The following SENP8 variants were observed in gnomAD, a reference collection of about 807,000 sequenced individuals.
SENP8 encodes sentrin-specific protease 8.
SENP8 carries 10 observed loss-of-function variants against 14.4 expected under a neutral mutation model. The observed-to-expected ratio is 0.69, with a 90% confidence interval of 0.43 to 1.18. The LOEUF (loss-of-function observed/expected upper bound fraction) is 1.18, where lower values mean the gene tolerates loss of function less well. SENP8 is among the 50% of genes most tolerant of loss of function. The pLI is 0.00. For missense variants in SENP8, 202 were observed against 249.4 expected, an observed-to-expected ratio of 0.81 and a Z score of 1.28; for synonymous variants, 94 against 95.5, an observed-to-expected ratio of 0.98 and a Z score of 0.09.
chr15:72,132,829 A>C (rs758873111), intron 1 of SENP8, among the ~76,000 whole-genome samples: 1 of 151,700 alleles, frequency 6.6e-6, no homozygotes, highest in Non-Finnish European at 1.5e-5. Context: ...CATTCCTACT[A>C]TCATTTCTCC....
chr15:72,119,705 G>A (rs571024293), intron 1 of SENP8, among the ~76,000 whole-genome samples: 1 of 152,202 alleles, frequency 6.6e-6, no homozygotes, highest in South Asian at 2.1e-4. Context: ...CCAAGATCGC[G>A]CCACTGCACT....
At chr15:72,137,904 G>A (rs186735716) in intron 1 of SENP8, among the ~76,000 whole-genome samples, 86 of 152,016 alleles carry the variant, frequency 5.7e-4, no homozygotes, top group African/African-American at 2.0e-3. Flanking sequence ...CCCGGGAAGC[G>A]GAGTTTGCAG....
At chr15:72,124,781 AAGG>A (rs1160822311) in intron 1 of SENP8, among the ~76,000 whole-genome samples, 3 of 152,234 alleles carry the variant, frequency 2.0e-5, no homozygotes, top group African/African-American at 7.2e-5. Context: ...ATTATTAAAA[AAGG>A]GGGAAAAATT....
upstream of SENP8, chr15:72,117,892 A>G (rs1268935839): frequency 2.0e-5 from 8 of 398,248 alleles, no homozygotes; most frequent in Non-Finnish European, 8.9e-6. Context: ...GCCCGGCCTG[A>G]GCAGGCACAT....
At chr15:72,129,308 T>G (rs1217173521) in intron 1 of SENP8, among the ~76,000 whole-genome samples, 1 of 151,952 alleles carries the variant, frequency 6.6e-6, no homozygotes. Context: ...GACAGGAGGA[T>G]CACTGGAGCC....
intron 1 of SENP8, among the ~76,000 whole-genome samples, chr15:72,129,237 ATCCAGATTGAG>A (rs1415060613): frequency 1.3e-5 from 2 of 152,190 alleles, no homozygotes; most frequent in Non-Finnish European, 2.9e-5. Flanking sequence ...TTCATTAAAA[ATCCAGATTGAG>A]TCCAGGTGAG....
rs2081377393 is a variant in SENP8, at chr15:72,141,188, T to C, written c.*926T>C. On this transcript the variant is annotated 3_prime_UTR_variant, in exon 2 of 2. Coordinates refer to ENST00000340912, the MANE Select transcript of SENP8 (RefSeq NM_145204.4). ...CTCTCTGTCCTTAATTCTGGCAGAA[T>C]TGTTTTTAGTTATGTCATGGTAATT... The C allele has an allele frequency of 6.6e-6, 1 of 152,266 alleles. No individual in the cohort carries two copies. Among genetic ancestry groups the C allele is most frequent in the African/African-American group, 2.4e-5 (1 of 41,452 alleles). The allele number at this position is 152,266 out of a possible 1,614,324, so 9.4% of individuals were successfully genotyped here. A position where few individuals can be genotyped will look rare whatever the true frequency, so the allele number is the denominator to read the frequency against.
At chr15:72,129,782 G>A (rs1026721603) in intron 1 of SENP8, among the ~76,000 whole-genome samples, 1 of 150,978 alleles carries the variant, frequency 6.6e-6, no homozygotes, top group Non-Finnish European at 1.5e-5. Context: ...GGTCAAGGCT[G>A]CAGTGGCCGT....
intron 1 of SENP8, among the ~76,000 whole-genome samples, chr15:72,119,549 C>CT (rs928880786): frequency 7.9e-5 from 12 of 152,060 alleles, no homozygotes; most frequent in South Asian, 4.1e-4. Flanking sequence ...GAGATCGAGA[C>CT]CATCCAGGCC....
In SENP8 at chr15:72,140,292, GCTCCT is replaced by G; in HGVS notation, c.*33_*37del. 1 of 1,524,968 alleles carries G rather than the reference GCTCCT, an allele frequency of 6.6e-7. No individual in the cohort carries two copies. Among genetic ancestry groups the G allele is most frequent in the Non-Finnish European group, 9.1e-7 (1 of 1,103,924 alleles). 94.5% of individuals were successfully genotyped at this position (1,524,968 alleles called of 1,614,324 possible). On this transcript the variant is annotated 3_prime_UTR_variant, in exon 2 of 2. Transcript: ENST00000340912. The stretch of plus-strand genomic sequence containing the variant: ...TGAAGTATATTTGCGACTTTTGAAG[GCTCCT>G]CTTTCTGCCCTTCCCCATTTGTTGG...
intron 1 of SENP8, among the ~76,000 whole-genome samples, chr15:72,122,349 T>C (rs2151322821): frequency 6.6e-6 from 1 of 151,514 alleles, no homozygotes; most frequent in South Asian, 2.1e-4. Flanking sequence ...TTAAACTTCT[T>C]GGATGGGAAA....
chr15:72,138,277 TAC>T (rs1294103720), intron 1 of SENP8, among the ~76,000 whole-genome samples: 1 of 152,060 alleles, frequency 6.6e-6, no homozygotes, highest in Non-Finnish European at 1.5e-5. Flanking sequence ...TTCTTATAGT[TAC>T]AGTTGACCCT....
chr15:72,116,569 A>G (rs527605113), upstream of SENP8, among the ~76,000 whole-genome samples: 31 of 152,246 alleles, frequency 2.0e-4, 1 homozygote, highest in Non-Finnish European at 4.3e-4. Context: ...ACATCGAAGC[A>G]TTCAGGGATT....
At chr15:72,114,520 G>C (rs557152887), upstream of SENP8, 9 of 152,370 alleles carry the variant, frequency 5.9e-5, no homozygotes, top group Admixed American at 1.3e-4. Context: ...GTTTCATGAG[G>C]AAAGAGTGGT....
In SENP8 at chr15:72,136,880, GCTAA is replaced by G. The variant is rs1488685500; in HGVS notation, c.-47-2694_-47-2691del. On this transcript the variant is annotated intron_variant, in intron 1 of 1. Transcript: ENST00000340912. ...CGTGCTGCCAGGTCACTGCATAACA[GCTAA>G]CTCTCTGTTAACTCTGTTGAGTCTG... 1.3e-5 allele frequency among the ~76,000 whole-genome samples: 2 copies of G among 152,186 alleles called. 1 individual carries two copies. Among genetic ancestry groups the G allele is most frequent in the Admixed American group, 1.3e-4 (2 of 15,278 alleles).
In SENP8 at chr15:72,139,623, G is replaced by A. The variant is rs758235931; in HGVS notation, c.-1G>A. On this transcript the variant is annotated 5_prime_UTR_variant, in exon 2 of 2. Coordinates refer to ENST00000340912, the MANE Select transcript of SENP8 (RefSeq NM_145204.4). ...TTCTGAGCAGCCCTCGTCAGTACAA[G>A]ATGGACCCCGTAGTCTTGAGTTACA... 6.2e-7 allele frequency: 1 copy of A among 1,612,728 alleles called. No homozygotes were observed. The highest frequency in any genetic ancestry group is 8.5e-7 in the Non-Finnish European group (1 of 1,179,148).
At chr15:72,129,464 G>A (rs1193672243) in intron 1 of SENP8, among the ~76,000 whole-genome samples, 1 of 151,504 alleles carries the variant, frequency 6.6e-6, no homozygotes, top group Non-Finnish European at 1.5e-5. Context: ...CTGGGTTCAA[G>A]CGATTCTCCT....
At chr15:72,114,409 G>T (rs745902857), upstream of SENP8, 2 of 152,218 alleles carry the variant, frequency 1.3e-5, no homozygotes, top group Admixed American at 6.5e-5. Flanking sequence ...AATAAGGAAT[G>T]ACCTGAAATA....
upstream of SENP8, chr15:72,116,891 TCACTCTGCCTCC>T (rs564911875): frequency 4.6e-5 from 7 of 152,336 alleles, no homozygotes; most frequent in East Asian, 5.8e-4. Flanking sequence ...TTCCATAACT[TCACTCTGCCTCC>T]CACTTTTTTC....
Sources: gnomAD v4.1 joint callset for allele counts (sites outside exome capture counted in the v4.1 genomes callset) on GRCh38, gnomAD v4.1.1 for gene constraint, MANE v1.5 for transcripts, NCBI Gene and HGNC (gene_info 2026-07-23, HGNC 2026-07-21) for gene names.